ATAD2: variants seen among roughly 807,000 people sequenced by gnomAD.
ATAD2 encodes ATPase family AAA domain-containing protein 2.
A neutral mutation model predicts 168.9 loss-of-function variants in ATAD2; 62 were observed. That is an observed-to-expected ratio of 0.37 (90% confidence interval 0.30 to 0.45). The LOEUF (loss-of-function observed/expected upper bound fraction) is 0.45. Ranked by LOEUF, ATAD2 falls within the 20% of genes least tolerant of loss-of-function variation. The pLI is 1.00. For synonymous variants in ATAD2, 613 were observed against 571.6 expected, an observed-to-expected ratio of 1.07 and a Z score of -1.03; for missense variants, 1,419 against 1,667.8, an observed-to-expected ratio of 0.85 and a Z score of 2.60.
At chr8:123,346,328 C>G in intron 17 of ATAD2, 56 bp from the exon 18 acceptor site, 3 of 1,441,794 alleles carry the variant, frequency 2.1e-6, no homozygotes, top group Non-Finnish European at 2.8e-6. Flanking sequence ...TAAATTTTCC[C>G]CCTAAATTGT....
chr8:123,353,941 T>C (rs964881678), intron 13 of ATAD2, among the ~76,000 whole-genome samples: 1 of 152,200 alleles, frequency 6.6e-6, no homozygotes, highest in Admixed American at 6.5e-5. Context: ...GAGACCAGCC[T>C]GGCCAACATG....
At position 123,402,092 on chromosome 8, in the gene ATAD2, G is replaced by A. The variant is rs969645282; in HGVS notation, c.-2281-917C>T. 12 of 1,190,138 alleles carry A rather than the reference G, an allele frequency of 1.0e-5. No individual in the cohort carries two copies. The highest frequency in any genetic ancestry group is 1.7e-5 in the Admixed American group (1 of 57,190). 73.7% of individuals were successfully genotyped at this position (1,190,138 alleles called of 1,614,324 possible). On this transcript the variant is annotated intron_variant, in intron 1 of 28. Coordinates refer to the ATAD2 transcript ENST00000521903. This position sits in a 1 kb window ranked among gnomAD's most constrained non-coding sequence, Gnocchi z 4.8. ...TGGCGTCCATGGCCTGCACTCTTAG[G>A]AGAAGCGGCTGTACTGACAGCAGTG...
chr8:123,408,432 C>T (rs543484741), intron 1 of ATAD2, among the ~76,000 whole-genome samples: 6 of 152,298 alleles, frequency 3.9e-5, no homozygotes, highest in South Asian at 2.1e-4. Context: ...CCCAAAGATG[C>T]GGGGCAGAGA....
At position 123,360,054 on chromosome 8, in the gene ATAD2, C is replaced by T. The variant is rs186034862; in HGVS notation, c.1158-369G>A. On this transcript the variant is annotated intron_variant, in intron 9 of 27. Coordinates refer to ENST00000287394, the MANE Select transcript of ATAD2 (RefSeq NM_014109.4). ...CCAGACACTGTTTTAGTTTTAGGTG[C>T]TTTACGTGGATTAAGTTGATAAATC... Among the ~76,000 whole-genome samples, 700 of 152,142 alleles carry T rather than the reference C, an allele frequency of 4.6e-3. 4 individuals carry two copies. Among genetic ancestry groups the T allele is most frequent in the Non-Finnish European group, 5.7e-3 (387 of 67,984 alleles).
chr8:123,381,262 C>T (rs1185542124), intron 1 of ATAD2, among the ~76,000 whole-genome samples: 1 of 152,124 alleles, frequency 6.6e-6, no homozygotes, highest in Non-Finnish European at 1.5e-5. Context: ...TTTTGGGAGA[C>T]CTAGGCAGGT....
chr8:123,370,870 A>G, intron 6 of ATAD2, 33 bp downstream of exon 6: 2 of 1,500,098 alleles, frequency 1.3e-6, no homozygotes, highest in Admixed American at 2.2e-5. Flanking sequence ...CTTAAATTCA[A>G]TCCCAGAAGA....
intron 19 of ATAD2, among the ~76,000 whole-genome samples, chr8:123,341,549 T>C (rs998097664): frequency 6.6e-6 from 1 of 152,092 alleles, no homozygotes; most frequent in African/African-American, 2.4e-5. Context: ...CCAAAAGAAC[T>C]AGAAAAAAGA....
At chr8:123,340,947 CT>C (rs557121930) in intron 19 of ATAD2, among the ~76,000 whole-genome samples, 2,822 of 143,022 alleles carry the variant, frequency 0.02, 53 homozygotes, top group African/African-American at 0.06. Flanking sequence ...TAAGTTTTGT[CT>C]TTTTTTTTTT....
intron 27 of ATAD2, among the ~76,000 whole-genome samples, chr8:123,321,668 C>T (rs941191520): frequency 2.0e-5 from 3 of 151,922 alleles, no homozygotes. Flanking sequence ...CATGGTGGCT[C>T]CTGCCTGTTA....
chr8:123,357,298 T>A (rs930440234), intron 12 of ATAD2, among the ~76,000 whole-genome samples: 1 of 152,194 alleles, frequency 6.6e-6, no homozygotes, highest in African/African-American at 2.4e-5. Context: ...TCTCTAAATA[T>A]GAGATTACCA....
At chr8:123,362,008 A>G (rs1335014788) in intron 8 of ATAD2, among the ~76,000 whole-genome samples, 2 of 152,176 alleles carry the variant, frequency 1.3e-5, no homozygotes, top group African/African-American at 2.4e-5. Flanking sequence ...CACACCTGTA[A>G]TCCCAACACT....
chr8:123,389,147 T>TG (rs1829733937), intron 1 of ATAD2, among the ~76,000 whole-genome samples: 1 of 147,650 alleles, frequency 6.8e-6, no homozygotes, highest in African/African-American at 2.5e-5. Context: ...TTTTTTTTTT[T>TG]TTGTATTTTT....
chr8:123,369,007 A>T, intron 8 of ATAD2, 51 bp downstream of exon 8: 1 of 1,119,442 alleles, frequency 8.9e-7, no homozygotes, highest in Non-Finnish European at 1.3e-6. Flanking sequence ...TCCAGCCCTA[A>T]CATAAAAACA....
At chr8:123,401,932 T>C in intron 1 of ATAD2, 2 of 791,526 alleles carry the variant, frequency 2.5e-6, no homozygotes, top group Non-Finnish European at 2.3e-6. Context: ...TTCAGAAGTT[T>C]GTGCCCTACC....
In ATAD2 at chr8:123,372,661, T is replaced by TA; in HGVS notation, c.345dup (p.Lys116Ter). ...CCTTCTCTGTGCTCTTCTTTTTTTT[T>TA]ATCAGCCTGCTGTCTGGCCAACTGC... On this transcript the variant is annotated frameshift_variant, in exon 3 of 28. Transcript: ENST00000287394. LOFTEE classifies it high-confidence loss of function. 3 of 1,593,468 alleles carry TA rather than the reference T, an allele frequency of 1.9e-6. No individual in the cohort carries two copies. Among genetic ancestry groups the TA allele is most frequent in the Non-Finnish European group, 2.6e-6 (3 of 1,171,202 alleles).
At chr8:123,327,892 T>C (rs1321511649) in intron 25 of ATAD2, among the ~76,000 whole-genome samples, 1 of 152,224 alleles carries the variant, frequency 6.6e-6, no homozygotes, top group Non-Finnish European at 1.5e-5. Context: ...ACCAAGCAAC[T>C]ATCTTATCTA....
At chr8:123,405,420 CT>C (rs112395027) in intron 1 of ATAD2, among the ~76,000 whole-genome samples, 2 of 148,504 alleles carry the variant, frequency 1.3e-5, no homozygotes, top group Non-Finnish European at 1.5e-5. Flanking sequence ...TGAAGCCTGG[CT>C]TTTTTTTTTT....
intron 1 of ATAD2, among the ~76,000 whole-genome samples, chr8:123,405,091 A>G (rs1813052323): frequency 6.6e-6 from 1 of 152,134 alleles, no homozygotes; most frequent in South Asian, 2.1e-4. Flanking sequence ...TGTGGATGGT[A>G]TGATATTTGT....
At chr8:123,398,226 CTTTTTT>C (rs1188897965), upstream of ATAD2, among the ~76,000 whole-genome samples, 10 of 101,762 alleles carry the variant, frequency 9.8e-5, no homozygotes, top group African/African-American at 4.2e-4. Context: ...GGTTCTTGTT[CTTTTTT>C]TTTTTTTTTT....
Sources: gnomAD v4.1 joint callset for allele counts (sites outside exome capture counted in the v4.1 genomes callset) on GRCh38, gnomAD v4.1.1 for gene constraint, Gnocchi (gnomAD v3.1) non-coding constraint, MANE v1.5 for transcripts, NCBI Gene and HGNC (gene_info 2026-07-23, HGNC 2026-07-21) for gene names.